The following TADA2A variants were observed in gnomAD, a reference collection of about 807,000 sequenced individuals.
TADA2A encodes the protein transcriptional adapter 2-alpha.
TADA2A carries 38 observed loss-of-function variants against 67.4 expected under a neutral mutation model. The ratio of observed to expected loss-of-function variants is 0.56; its 90% confidence interval spans 0.44 to 0.74. TADA2A has a LOEUF of 0.74. Among genes scored for constraint, TADA2A ranks in the 30% least tolerant of loss-of-function variants. The pLI is 0.00. For missense variants in TADA2A, 454 were observed against 547.0 expected (o/e 0.83, Z 1.70); for synonymous variants, 192 against 181.6 (o/e 1.06, Z -0.46).
At chr17:37,474,446 A>G (rs761725693) in intron 14 of TADA2A, 110 bp from the exon 15 acceptor site, 15 of 959,042 alleles carry the variant, frequency 1.6e-5, no homozygotes, top group Non-Finnish European at 2.4e-5. Flanking sequence ...TAAGCTGGAT[A>G]TAGTGATCCT....
At chr17:37,438,201 C>T (rs1203136008) in intron 5 of TADA2A, 1 of 167,110 alleles carries the variant, frequency 6.0e-6, no homozygotes, top group Non-Finnish European at 1.3e-5. Context: ...GTGAATCAGA[C>T]TTTAGCTAGA....
Position 37,462,017 on chromosome 17 carries a change from A to G in TADA2A, c.669-61A>G, listed in dbSNP as rs2053557157. ...TATGTCTGATGATAGCTATATGTGTAAAGCATTAGTAAATGTGAAAATAAT... is the reference window on the plus strand; with the variant it reads ...TATGTCTGATGATAGCTATATGTGTGAAGCATTAGTAAATGTGAAAATAAT... On this transcript the variant is annotated intron_variant, in intron 9 of 15. Transcript: ENST00000615182. 7 of 1,281,040 alleles carry G rather than the reference A, an allele frequency of 5.5e-6. No individual in the cohort carries two copies. The Admixed American group carries it at 5.8e-5, about 11-fold the overall frequency. 79.4% of individuals were successfully genotyped at this position (1,281,040 alleles called of 1,614,324 possible).
At position 37,445,505 on chromosome 17, in the gene TADA2A, A is replaced by G. The variant is rs555898505; in HGVS notation, c.604+737A>G. Among the ~76,000 whole-genome samples, 3 of 152,300 alleles carry G rather than the reference A, an allele frequency of 2.0e-5. No individual in the cohort carries two copies. In the East Asian group the frequency reaches 5.8e-4, roughly 29 times the overall value. ...GGTCTGCAACTCCTAACCTCAAGTG[A>G]TCTGCCCGCCTCAGCTTCCCAAAGT... On this transcript the variant is annotated intron_variant, in intron 8 of 15. Transcript: ENST00000615182.
chr17:37,455,935 A>C (rs2053379820), intron 8 of TADA2A, among the ~76,000 whole-genome samples: 1 of 152,078 alleles, frequency 6.6e-6, no homozygotes, highest in South Asian at 2.1e-4. Context: ...CGGGTGCAGT[A>C]GTTCACGCCT....
chr17:37,450,138 A>G (rs2147994132), intron 8 of TADA2A, among the ~76,000 whole-genome samples: 1 of 152,320 alleles, frequency 6.6e-6, no homozygotes. Flanking sequence ...ATTGCGCTGC[A>G]TTCAAAGCCG....
At chr17:37,468,058 G>C (rs1402758477) in intron 12 of TADA2A, among the ~76,000 whole-genome samples, 4 of 151,666 alleles carry the variant, frequency 2.6e-5, no homozygotes, top group Admixed American at 6.6e-5. Flanking sequence ...CTCCAGCCTG[G>C]GTGGCAGAGG....
intron 8 of TADA2A, among the ~76,000 whole-genome samples, chr17:37,448,848 T>C (rs1319576458): frequency 1.3e-5 from 2 of 152,212 alleles, no homozygotes; most frequent in African/African-American, 4.8e-5. Flanking sequence ...TTTTCTCTCC[T>C]AGGCTTGGAT....
rs113609678 is a variant in TADA2A at position 37,447,753 on chromosome 17, C to T, written c.604+2985C>T. On this transcript the variant is annotated intron_variant, in intron 8 of 15. Coordinates refer to ENST00000615182, the MANE Select transcript of TADA2A (RefSeq NM_001166105.3). ...GCTCCTGTGGCAGCATGACCATGTC[C>T]AGGAGCATATTGTCCCTGAGCTGTC... Among the ~76,000 whole-genome samples, 889 of 152,264 alleles carry T rather than the reference C, an allele frequency of 5.8e-3. 5 individuals carry two copies. Among genetic ancestry groups the T allele is most frequent in the African/African-American group, 0.019 (769 of 41,562 alleles).
At chr17:37,432,174 AT>A (rs35609332) in intron 4 of TADA2A, among the ~76,000 whole-genome samples, 35,729 of 146,222 alleles carry the variant, frequency 0.24, 4,301 homozygotes, top group Middle Eastern at 0.36. Flanking sequence ...TTATTTATTT[AT>A]TTTTTTTTTG....
chr17:37,462,198 T>C, intron 10 of TADA2A, 77 bp downstream of exon 10: 1 of 1,010,222 alleles, frequency 9.9e-7, no homozygotes, highest in Non-Finnish European at 1.5e-6. Context: ...TCACGTATTG[T>C]AGTTCTTAAT....
Position 37,411,273 on chromosome 17 carries a change from T to C in TADA2A, c.-93T>C. 1.7e-6 allele frequency: 2 copies of C among 1,171,906 alleles called. No individual in the cohort carries two copies. The highest frequency in any genetic ancestry group is 2.3e-5 in the East Asian group (1 of 42,888). 72.6% of individuals were successfully genotyped at this position (1,171,906 alleles called of 1,614,324 possible). On this transcript the variant is annotated 5_prime_UTR_variant, in exon 2 of 16. Transcript: ENST00000615182. ...GCCACTTTTGTTTGTTCCTAGGGAG[T>C]CATCAAGCTTTGGTGTATGTGTTGG...
chr17:37,410,982 C>T (rs1292062977), intron 1 of TADA2A, among the ~76,000 whole-genome samples: 3 of 152,154 alleles, frequency 2.0e-5, no homozygotes, highest in Non-Finnish European at 4.4e-5. Context: ...AGACCCAGAT[C>T]CTTCCTCATA....
intron 8 of TADA2A, chr17:37,454,157 G>A (rs1297538082): frequency 6.6e-6 from 1 of 152,404 alleles, no homozygotes; most frequent in Non-Finnish European, 1.5e-5. Context: ...TTGAGCCTCT[G>A]GAGCTTCTGC....
At chr17:37,437,624 T>G (rs575854644) in intron 4 of TADA2A, 114 bp from the exon 5 acceptor site, 1 of 830,350 alleles carries the variant, frequency 1.2e-6, no homozygotes, top group East Asian at 2.5e-5. Context: ...TGACCTCAGG[T>G]GATCCGCCCG....
At chr17:37,425,023 G>T (rs2052363580) in intron 3 of TADA2A, among the ~76,000 whole-genome samples, 1 of 151,936 alleles carries the variant, frequency 6.6e-6, no homozygotes, top group Non-Finnish European at 1.5e-5. Flanking sequence ...GTGGTTACAG[G>T]TGCATGCCAC....
At chr17:37,421,741 A>AT (rs1482634972) in intron 2 of TADA2A, among the ~76,000 whole-genome samples, 3 of 146,946 alleles carry the variant, frequency 2.0e-5, no homozygotes, top group Non-Finnish European at 3.0e-5. Flanking sequence ...GCATTGAGGC[A>AT]TGATCGTGCA....
At chr17:37,460,887 T>G (rs2053531429) in intron 9 of TADA2A, among the ~76,000 whole-genome samples, 1 of 151,838 alleles carries the variant, frequency 6.6e-6, no homozygotes, top group Non-Finnish European at 1.5e-5. Context: ...CCTAGCTACT[T>G]GGGAGGCTAA....
intron 8 of TADA2A, among the ~76,000 whole-genome samples, chr17:37,445,724 A>G (rs1008302937): frequency 2.0e-5 from 3 of 152,156 alleles, no homozygotes; most frequent in Non-Finnish European, 4.4e-5. Flanking sequence ...ACTACATACT[A>G]ATATATACTA....
intron 4 of TADA2A, among the ~76,000 whole-genome samples, chr17:37,433,559 G>A (rs1490992012): frequency 1.3e-5 from 2 of 151,954 alleles, no homozygotes; most frequent in African/African-American, 4.8e-5. Context: ...CTTGTATGGT[G>A]GAGGCAGGAG....
Sources: gnomAD v4.1 joint callset for allele counts (sites outside exome capture counted in the v4.1 genomes callset) on GRCh38, gnomAD v4.1.1 for gene constraint, MANE v1.5 for transcripts, NCBI Gene and HGNC (gene_info 2026-07-23, HGNC 2026-07-21) for gene names.